Variants in NLGN1 observed in about 807,000 individuals in gnomAD.
NLGN1 encodes neuroligin-1.
Under a neutral mutation model 65.5 loss-of-function variants are expected in NLGN1, and 12 were observed. That is an observed-to-expected ratio of 0.18 (90% CI 0.12 to 0.30). The LOEUF (loss-of-function observed/expected upper bound fraction) is 0.30. Among genes scored for constraint, NLGN1 ranks in the 10% least tolerant of loss-of-function variants. NLGN1 has a pLI of 1.00. For synonymous variants in NLGN1, 350 were observed against 359.5 expected (o/e 0.97, Z 0.30); for missense variants, 750 against 1,007.1 (o/e 0.74, Z 3.46).
At chr3:173,420,652 A>G (rs1714865823) in intron 1 of NLGN1, among the ~76,000 whole-genome samples, 2 of 152,300 alleles carry the variant, frequency 1.3e-5, no homozygotes, top group Non-Finnish European at 1.5e-5. Context: ...AGGAATTGCC[A>G]CACCGACTTC....
chr3:173,738,839 T>C (rs1414908665), intron 3 of NLGN1, among the ~76,000 whole-genome samples: 1 of 152,088 alleles, frequency 6.6e-6, no homozygotes, highest in Admixed American at 6.6e-5. Flanking sequence ...AGTACTGCCA[T>C]CTTAACATTC....
At chr3:173,808,563 T>C (rs1717179857) in intron 4 of NLGN1, among the ~76,000 whole-genome samples, 2 of 152,166 alleles carry the variant, frequency 1.3e-5, no homozygotes, top group Admixed American at 6.5e-5. Flanking sequence ...TTCTAGCATA[T>C]ATTTGTTTGT....
chr3:173,778,553 T>C (rs1780661292), intron 3 of NLGN1, among the ~76,000 whole-genome samples: 1 of 151,942 alleles, frequency 6.6e-6, no homozygotes, highest in South Asian at 2.1e-4. Flanking sequence ...AAATGAATTT[T>C]TGCCATTATT....
chr3:173,427,573 G>A (rs1716354851), intron 1 of NLGN1, among the ~76,000 whole-genome samples: 2 of 151,820 alleles, frequency 1.3e-5, no homozygotes, highest in African/African-American at 4.8e-5. Flanking sequence ...TTGACCCATT[G>A]GTTTTTCAAG....
intron 3 of NLGN1, among the ~76,000 whole-genome samples, chr3:173,730,634 G>A (rs1438103593): frequency 6.6e-6 from 1 of 152,036 alleles, no homozygotes; most frequent in African/African-American, 2.4e-5. Flanking sequence ...CTAATGCCTT[G>A]ATTGTTTGCC....
At position 173,878,663 on chromosome 3, in the gene NLGN1, T is replaced by C. The variant is rs146495692; in HGVS notation, c.646+70831T>C. ...ACTTATATATGTGTATATATATATATACACATACATATATAAGTGTGTGTA... is the reference window on the plus strand; with the variant it reads ...ACTTATATATGTGTATATATATATACACACATACATATATAAGTGTGTGTA... On this transcript the variant is annotated intron_variant, in intron 4 of 6. Coordinates refer to ENST00000457714, the Ensembl canonical transcript of NLGN1. Among the ~76,000 whole-genome samples, 357 of 149,576 alleles carry C rather than the reference T, an allele frequency of 2.4e-3. 2 individuals carry two copies. Among genetic ancestry groups the C allele is most frequent in the Non-Finnish European group, 3.6e-3 (246 of 67,538 alleles).
chr3:174,069,719 G>C (rs912220755), intron 4 of NLGN1, among the ~76,000 whole-genome samples: 1 of 152,128 alleles, frequency 6.6e-6, no homozygotes, highest in Non-Finnish European at 1.5e-5. Context: ...AATGTAAAAA[G>C]AAGATGAGGA....
At chr3:173,975,691 T>C (rs1408839247) in intron 4 of NLGN1, among the ~76,000 whole-genome samples, 1 of 151,910 alleles carries the variant, frequency 6.6e-6, no homozygotes, top group East Asian at 1.9e-4. Context: ...TTAGTGCATT[T>C]TTTACTCAGA....
intron 3 of NLGN1, among the ~76,000 whole-genome samples, chr3:173,719,281 TTA>T (rs1389751861): frequency 6.6e-6 from 1 of 152,224 alleles, no homozygotes; most frequent in Non-Finnish European, 1.5e-5. Context: ...TTTCCTGGAC[TTA>T]GTTTCCTTAG....
chr3:174,118,608 G>C (rs937337580), intron 4 of NLGN1, among the ~76,000 whole-genome samples: 1 of 152,078 alleles, frequency 6.6e-6, no homozygotes, highest in African/African-American at 2.4e-5. Context: ...TCTCACCAAA[G>C]AATAAAATTC....
chr3:174,228,886 A>G (rs1351898928), intron 4 of NLGN1, among the ~76,000 whole-genome samples: 1 of 152,096 alleles, frequency 6.6e-6, no homozygotes, highest in Admixed American at 6.5e-5. Flanking sequence ...ATAGACATTG[A>G]TTACTTCCTG....
At chr3:174,235,829 G>A (rs1741597473) in intron 4 of NLGN1, among the ~76,000 whole-genome samples, 1 of 152,204 alleles carries the variant, frequency 6.6e-6, no homozygotes, top group Admixed American at 6.5e-5. Context: ...TAAGTTTGAG[G>A]AACGTGACCT....
At chr3:173,807,624 C>T in intron 3 of NLGN1, 56 bp from the exon 4 acceptor site, 1 of 1,574,460 alleles carries the variant, frequency 6.4e-7, no homozygotes, top group Non-Finnish European at 8.7e-7. Flanking sequence ...GTATTCTCTG[C>T]TTCATTGTGT....
At chr3:173,445,641 T>C (rs1247422470) in intron 2 of NLGN1, among the ~76,000 whole-genome samples, 2 of 152,214 alleles carry the variant, frequency 1.3e-5, no homozygotes, top group Admixed American at 6.5e-5. Flanking sequence ...GTTGGACAGT[T>C]TTCTTCCACA....
At chr3:174,100,098 G>T (rs1215962828) in intron 4 of NLGN1, among the ~76,000 whole-genome samples, 16 of 151,960 alleles carry the variant, frequency 1.1e-4, no homozygotes, top group Admixed American at 8.5e-4. Context: ...TCCTCATTGA[G>T]CAAAATAAGG....
intron 1 of NLGN1, among the ~76,000 whole-genome samples, chr3:173,426,588 G>A (rs1716154982): frequency 6.6e-6 from 1 of 151,900 alleles, no homozygotes; most frequent in African/African-American, 2.4e-5. Context: ...GAAATAATAG[G>A]TTTTTGTCCT....
At chr3:174,156,265 T>C (rs902504825) in intron 4 of NLGN1, among the ~76,000 whole-genome samples, 8 of 151,940 alleles carry the variant, frequency 5.3e-5, no homozygotes, top group Admixed American at 3.3e-4. Context: ...TAGTAAATGT[T>C]TTTAACTAAC....
At chr3:173,593,858 G>A (rs1051063108) in intron 2 of NLGN1, among the ~76,000 whole-genome samples, 1 of 152,148 alleles carries the variant, frequency 6.6e-6, no homozygotes, top group South Asian at 2.1e-4. Flanking sequence ...ACATGTTGGC[G>A]GCAAGAGAAA....
chr3:174,128,056 A>C (rs1167271673), intron 4 of NLGN1, among the ~76,000 whole-genome samples: 1 of 152,180 alleles, frequency 6.6e-6, no homozygotes, highest in African/African-American at 2.4e-5. Context: ...AATTTGTTGA[A>C]TGAGTCACTG....
Sources: gnomAD v4.1 joint callset for allele counts (sites outside exome capture counted in the v4.1 genomes callset) on GRCh38, gnomAD v4.1.1 for gene constraint, MANE v1.5 for transcripts, NCBI Gene and HGNC (gene_info 2026-07-23, HGNC 2026-07-21) for gene names.